ATF1: variants seen among roughly 807,000 people sequenced by gnomAD.
The protein encoded by ATF1 is cyclic AMP-dependent transcription factor ATF-1.
Under a neutral mutation model 34.7 loss-of-function variants are expected in ATF1, and 16 were observed. The ratio of observed to expected loss-of-function variants is 0.46; its 90% CI spans 0.31 to 0.70. The LOEUF (loss-of-function observed/expected upper bound fraction) is 0.70, where lower values mean the gene tolerates loss of function less well. ATF1 is among the 30% of genes least tolerant of loss of function. The pLI is 0.05. For synonymous variants in ATF1, 105 were observed against 113.1 expected (o/e 0.93, Z 0.46); for missense variants, 255 against 321.6 (o/e 0.79, Z 1.58).
intron 1 of ATF1, among the ~76,000 whole-genome samples, chr12:50,766,346 G>GT (rs1281885485): frequency 1.3e-5 from 2 of 152,088 alleles, no homozygotes; most frequent in African/African-American, 2.4e-5. Flanking sequence ...TCCCTCTCAG[G>GT]TAACTCCCTC....
At chr12:50,770,771 A>G (rs907621808) in intron 1 of ATF1, among the ~76,000 whole-genome samples, 4 of 152,290 alleles carry the variant, frequency 2.6e-5, no homozygotes, top group South Asian at 2.1e-4. Context: ...TTGTTTCTGC[A>G]ATTTAGGCTA....
chr12:50,772,951 T>G (rs1940814188), intron 1 of ATF1, among the ~76,000 whole-genome samples: 3 of 152,264 alleles, frequency 2.0e-5, no homozygotes, highest in East Asian at 1.9e-4. Context: ...CCAGTGTGTG[T>G]TGTTCTCCCA....
In ATF1 at chr12:50,806,207, T is replaced by G. The variant is rs911872126; in HGVS notation, c.195-3249T>G. ...TAGTAGATGTTTTTTCCTAAATCATTTAGCATTTACCAACTGTCCAGACCA... is the reference window on the plus strand; with the variant it reads ...TAGTAGATGTTTTTTCCTAAATCATGTAGCATTTACCAACTGTCCAGACCA... On this transcript the variant is annotated intron_variant, in intron 3 of 6. Transcript: ENST00000262053. 11 of 158,816 alleles carry G rather than the reference T, an allele frequency of 6.9e-5. 1 individual carries two copies. Among genetic ancestry groups the G allele is most frequent in the Admixed American group, 2.5e-4 (4 of 15,924 alleles). 9.8% of individuals were successfully genotyped at this position (158,816 alleles called of 1,614,324 possible).
chr12:50,784,869 GTTTTATT>G (rs1052658137), intron 2 of ATF1, among the ~76,000 whole-genome samples: 16 of 151,460 alleles, frequency 1.1e-4, no homozygotes, highest in African/African-American at 3.6e-4. Flanking sequence ...TGGATGTGGA[GTTTTATT>G]TTTTATTTAT....
At chr12:50,816,727 T>C (rs1449971535) in intron 6 of ATF1, among the ~76,000 whole-genome samples, 2 of 151,910 alleles carry the variant, frequency 1.3e-5, no homozygotes, top group Admixed American at 6.6e-5. Context: ...ACCCCATCTC[T>C]AAAAAAAATT....
intron 6 of ATF1, 96 bp from the exon 7 acceptor site, chr12:50,819,539 G>GAAAAAA: frequency 7.2e-7 from 1 of 1,397,190 alleles, no homozygotes; most frequent in Non-Finnish European, 9.9e-7. Flanking sequence ...ACTTTAAAGA[G>GAAAAAA]AAAAAAAGGT....
intron 3 of ATF1, among the ~76,000 whole-genome samples, chr12:50,796,494 A>C (rs1189725470): frequency 6.6e-6 from 1 of 152,182 alleles, no homozygotes; most frequent in African/African-American, 2.4e-5. Flanking sequence ...TGAGGTTAGG[A>C]GTTTGAGACC....
At chr12:50,805,362 C>G (rs900553054) in intron 3 of ATF1, among the ~76,000 whole-genome samples, 1 of 151,476 alleles carries the variant, frequency 6.6e-6, no homozygotes, top group African/African-American at 2.4e-5. Context: ...TTGAGACCAG[C>G]CTGGGCAACA....
intron 3 of ATF1, among the ~76,000 whole-genome samples, chr12:50,806,152 G>GAA (rs112814512): frequency 6.6e-5 from 7 of 106,830 alleles, no homozygotes; most frequent in African/African-American, 2.0e-4. Context: ...CTGTCTCAAA[G>GAA]AAAAAAAAAA....
At chr12:50,815,274 G>A (rs1388687957) in intron 6 of ATF1, among the ~76,000 whole-genome samples, 2 of 151,146 alleles carry the variant, frequency 1.3e-5, no homozygotes, top group Non-Finnish European at 3.0e-5. Flanking sequence ...GGAGGTGGAA[G>A]ACAATGATAT....
chr12:50,796,585 C>T (rs2139672228), intron 3 of ATF1, among the ~76,000 whole-genome samples: 1 of 151,940 alleles, frequency 6.6e-6, no homozygotes, highest in East Asian at 1.9e-4. Flanking sequence ...CCTGTAATCC[C>T]AGCTACTTGG....
chr12:50,792,943 C>G (rs939439051), intron 2 of ATF1, among the ~76,000 whole-genome samples: 2 of 152,000 alleles, frequency 1.3e-5, no homozygotes, highest in African/African-American at 4.8e-5. Context: ...TACAAAAGTA[C>G]GAAAGAAAGA....
At chr12:50,789,670 G>A (rs1311324103) in intron 2 of ATF1, among the ~76,000 whole-genome samples, 3 of 152,094 alleles carry the variant, frequency 2.0e-5, no homozygotes, top group Non-Finnish European at 4.4e-5. Context: ...CAGGAGAATC[G>A]CTTGAACGCA....
chr12:50,811,010 C>T (rs1941725323), intron 4 of ATF1, among the ~76,000 whole-genome samples: 1 of 152,222 alleles, frequency 6.6e-6, no homozygotes, highest in Non-Finnish European at 1.5e-5. Flanking sequence ...CTGCCTACCA[C>T]TCTGACCTCA....
rs1469452665 is a variant in ATF1 at position 50,815,986 on chromosome 12, T to C, written c.671+1547T>C. On this transcript the variant is annotated intron_variant, in intron 6 of 6. Coordinates refer to ENST00000262053, the MANE Select transcript of ATF1 (RefSeq NM_005171.5). ...AAGCCAGGCACAAAAAGAAAAAATA[T>C]CACATTCTCACTTATATGTGGGAGC... 2.0e-5 allele frequency among the ~76,000 whole-genome samples: 3 copies of C among 152,130 alleles called. 1 individual carries two copies. The highest frequency in any genetic ancestry group is 4.1e-4 in the South Asian group (2 of 4,832).
chr12:50,779,965 G>GTTAA, intron 1 of ATF1, among the ~76,000 whole-genome samples, 175 bp from the exon 2 acceptor site: 1 of 151,876 alleles, frequency 6.6e-6, no homozygotes, highest in Non-Finnish European at 1.5e-5. Flanking sequence ...TGTTTTTGTG[G>GTTAA]GCCAAAATTC....
chr12:50,788,292 C>A, intron 2 of ATF1: 1 of 445,630 alleles, frequency 2.2e-6, no homozygotes, highest in Non-Finnish European at 4.5e-6. Flanking sequence ...AAGCAATCCT[C>A]CTGCCTCAGC....
At chr12:50,817,081 G>T (rs1232637222) in intron 6 of ATF1, among the ~76,000 whole-genome samples, 1 of 152,170 alleles carries the variant, frequency 6.6e-6, no homozygotes. Context: ...GTAAATTGAT[G>T]CAGCCATTTT....
intron 6 of ATF1, among the ~76,000 whole-genome samples, chr12:50,816,859 CAAAAAT>C (rs1941853438): frequency 6.6e-6 from 1 of 151,306 alleles, no homozygotes; most frequent in African/African-American, 2.4e-5. Context: ...ACTCTTGTCT[CAAAAAT>C]AAAACAAACA....
Sources: gnomAD v4.1 joint callset for allele counts (sites outside exome capture counted in the v4.1 genomes callset) on GRCh38, gnomAD v4.1.1 for gene constraint, MANE v1.5 for transcripts, NCBI Gene and HGNC (gene_info 2026-07-23, HGNC 2026-07-21) for gene names.